Variants in DLGAP1 observed in about 807,000 individuals in gnomAD.
DLGAP1 encodes disks large-associated protein 1.
In DLGAP1, 11 loss-of-function variants were observed where a neutral mutation model predicts 90.8. The observed-to-expected ratio is 0.12, with a 90% confidence interval of 0.08 to 0.20. DLGAP1 has a LOEUF of 0.20. Ranked by LOEUF, DLGAP1 falls within the 10% of genes least tolerant of loss-of-function variation. DLGAP1 has a pLI of 1.00. For synonymous variants in DLGAP1, 558 were observed against 540.7 expected, an observed-to-expected ratio of 1.03 and a Z score of -0.44; for missense variants, 1,050 against 1,333.8, an observed-to-expected ratio of 0.79 and a Z score of 3.31.
At chr18:3,922,714 C>A (rs896880290) in intron 3 of DLGAP1, among the ~76,000 whole-genome samples, 9 of 152,132 alleles carry the variant, frequency 5.9e-5, no homozygotes, top group African/African-American at 2.2e-4. Context: ...TATTTGAAGT[C>A]ATCTCTCAGT....
At chr18:3,751,898 T>A (rs1247195444) in intron 5 of DLGAP1, among the ~76,000 whole-genome samples, 2 of 136,308 alleles carry the variant, frequency 1.5e-5, no homozygotes, top group Non-Finnish European at 3.0e-5. Flanking sequence ...TTTTTTTTTT[T>A]AATGAGATGC....
intron 1 of DLGAP1, among the ~76,000 whole-genome samples, chr18:4,379,941 A>G (rs2082083295): frequency 6.6e-6 from 1 of 152,198 alleles, no homozygotes; most frequent in Non-Finnish European, 1.5e-5. Flanking sequence ...AAACCAATAT[A>G]CATTACTTAG....
intron 1 of DLGAP1, among the ~76,000 whole-genome samples, chr18:4,315,361 T>A (rs1364650281): frequency 6.6e-6 from 1 of 152,222 alleles, no homozygotes; most frequent in Non-Finnish European, 1.5e-5. Flanking sequence ...ATTATCTAGA[T>A]ATTTTGGAAA....
intron 4 of DLGAP1, among the ~76,000 whole-genome samples, chr18:3,858,366 T>C (rs1239243636): frequency 6.6e-6 from 1 of 152,116 alleles, no homozygotes; most frequent in Non-Finnish European, 1.5e-5. Context: ...GCAAGAGTCA[T>C]GTCCTTTCAA....
At chr18:3,944,958 A>T (rs1325307962) in intron 3 of DLGAP1, among the ~76,000 whole-genome samples, 2 of 152,298 alleles carry the variant, frequency 1.3e-5, no homozygotes, top group East Asian at 3.9e-4. Flanking sequence ...TTAAATACAC[A>T]ATTGGGTGGC....
At chr18:3,710,763 G>A (rs1812119598) in intron 7 of DLGAP1, among the ~76,000 whole-genome samples, 1 of 152,216 alleles carries the variant, frequency 6.6e-6, no homozygotes. Context: ...TTGGGGCAGA[G>A]CCAAGTGGCC....
At chr18:4,324,965 A>C (rs2080783645) in intron 1 of DLGAP1, among the ~76,000 whole-genome samples, 1 of 152,182 alleles carries the variant, frequency 6.6e-6, no homozygotes, top group Non-Finnish European at 1.5e-5. Flanking sequence ...CAAGGCAAGG[A>C]TCCCCTTTCT....
intron 7 of DLGAP1, among the ~76,000 whole-genome samples, chr18:3,639,485 G>C (rs1238240457): frequency 6.6e-6 from 1 of 152,188 alleles, no homozygotes; most frequent in African/African-American, 2.4e-5. Flanking sequence ...GGAAGAGCAC[G>C]AACTGATGCT....
intron 5 of DLGAP1, among the ~76,000 whole-genome samples, chr18:3,795,998 C>G (rs2065972906): frequency 6.6e-6 from 1 of 152,128 alleles, no homozygotes; most frequent in African/African-American, 2.4e-5. Context: ...ATCCGATGGT[C>G]AAAGGGCTAA....
intron 5 of DLGAP1, among the ~76,000 whole-genome samples, chr18:3,772,390 TTC>T (rs2064703941): frequency 3.3e-5 from 1 of 30,202 alleles, no homozygotes; most frequent in South Asian, 1.7e-3. Context: ...CTTTCTTTCT[TTC>T]TTTCTTTCTT....
intron 10 of DLGAP1, among the ~76,000 whole-genome samples, chr18:3,533,508 C>T (rs1437719081): frequency 1.3e-5 from 2 of 152,104 alleles, no homozygotes; most frequent in Non-Finnish European, 2.9e-5. Flanking sequence ...ATGAGAATAA[C>T]AAAATCATAA....
chr18:4,258,010 TGC>T (rs57523543), intron 1 of DLGAP1, among the ~76,000 whole-genome samples: 4,713 of 136,884 alleles, frequency 0.034, 249 homozygotes, highest in African/African-American at 0.13. Flanking sequence ...TGTGTGTGTG[TGC>T]GCGCGCGCGC....
chr18:3,668,880 G>C (rs1249838143), intron 7 of DLGAP1, among the ~76,000 whole-genome samples: 1 of 152,042 alleles, frequency 6.6e-6, no homozygotes, highest in Non-Finnish European at 1.5e-5. Flanking sequence ...TGCTACTTGG[G>C]AGGTTGAGGT....
intron 5 of DLGAP1, among the ~76,000 whole-genome samples, chr18:3,766,854 T>C (rs986469828): frequency 6.6e-6 from 1 of 152,084 alleles, no homozygotes; most frequent in African/African-American, 2.4e-5. Context: ...GCACTAAATG[T>C]ATATGTTAGA....
intron 1 of DLGAP1, among the ~76,000 whole-genome samples, chr18:4,246,083 G>T (rs1161575377): frequency 6.6e-6 from 1 of 152,164 alleles, no homozygotes; most frequent in South Asian, 2.1e-4. Context: ...AAGAGTGTGT[G>T]TGTTTATTCC....
intron 1 of DLGAP1, among the ~76,000 whole-genome samples, chr18:4,340,250 A>T (rs1423767812): frequency 6.6e-6 from 1 of 152,192 alleles, no homozygotes; most frequent in Admixed American, 6.5e-5. Context: ...GATAACTGAG[A>T]TGGCTACTGA....
intron 2 of DLGAP1, among the ~76,000 whole-genome samples, chr18:4,014,482 T>C (rs1027005699): frequency 4.6e-5 from 7 of 152,296 alleles, no homozygotes; most frequent in Non-Finnish European, 8.8e-5. Context: ...CTAGATTTGA[T>C]AGAATACTAG....
chr18:3,537,602 A>T (rs568611045), intron 9 of DLGAP1, among the ~76,000 whole-genome samples: 90 of 152,322 alleles, frequency 5.9e-4, no homozygotes, highest in African/African-American at 2.0e-3. Flanking sequence ...TGAGTCACTG[A>T]TTTCAATTAT....
intron 1 of DLGAP1, among the ~76,000 whole-genome samples, chr18:4,311,992 A>T (rs1429064479): frequency 6.6e-6 from 1 of 152,216 alleles, no homozygotes; most frequent in African/African-American, 2.4e-5. Flanking sequence ...CTGGGATTAC[A>T]GATGTGAGCC....
Sources: allele counts gnomAD v4.1 joint callset (sites outside exome capture counted in the v4.1 genomes callset), GRCh38; gene constraint gnomAD v4.1.1; transcripts MANE v1.5; gene names NCBI Gene and HGNC (gene_info 2026-07-23, HGNC 2026-07-21).